Variants in TSHZ3 observed in about 807,000 individuals in gnomAD.
TSHZ3 encodes the protein teashirt homolog 3.
In TSHZ3, 10 loss-of-function variants were observed where a neutral mutation model predicts 64.5. The ratio of observed to expected loss-of-function variants is 0.16; its 90% CI spans 0.10 to 0.26. The LOEUF (loss-of-function observed/expected upper bound fraction) is 0.26. Among genes scored for constraint, TSHZ3 ranks in the 10% least tolerant of loss-of-function variants. The probability of loss-of-function intolerance (pLI) is 1.00; values close to 1 mark genes in which losing one functional copy is unlikely to be tolerated. For missense variants in TSHZ3, 1,242 were observed against 1,421.7 expected, an observed-to-expected ratio of 0.87 and a Z score of 2.03; for synonymous variants, 608 against 593.1, an observed-to-expected ratio of 1.03 and a Z score of -0.36.
intron 4 of TSHZ3, among the ~76,000 whole-genome samples, chr19:31,211,546 G>T (rs549740159): frequency 6.6e-6 from 1 of 152,314 alleles, no homozygotes; most frequent in South Asian, 2.1e-4. Context: ...GCAGTGGTGA[G>T]GAAGGGCATC....
chr19:31,332,045 G>C (rs1197718990), intron 1 of TSHZ3, among the ~76,000 whole-genome samples: 1 of 152,184 alleles, frequency 6.6e-6, no homozygotes, highest in African/African-American at 2.4e-5. Context: ...TCCAAAAAAT[G>C]CATGTTTCCA....
chr19:31,279,193 G>A lies in TSHZ3; in HGVS notation c.600C>T (p.Ser200=), dbSNP rs762809163. 6.2e-7 allele frequency: 1 copy of A among 1,613,890 alleles called. No homozygotes were observed. The highest frequency in any genetic ancestry group is 8.5e-7 in the Non-Finnish European group (1 of 1,179,810). The change falls in exon 2 of 2, where the codon AGC becomes AGT. Residue 200 remains serine, a synonymous_variant. Coordinates refer to ENST00000240587, the MANE Select transcript of TSHZ3 (RefSeq NM_020856.4). The surrounding 1 kb of genome is among the most constrained non-coding windows in gnomAD (Gnocchi z 6.4). ...LFSTVQLYRQ[S]SKLYGSIFTG... ...TGAAGATGGAGCCATAGAGCTTGCT[G>A]CTCTGCCGGTACAGCTGCACGGTGC...
At chr19:31,298,806 T>C (rs796920545) in intron 1 of TSHZ3, among the ~76,000 whole-genome samples, 16 of 152,220 alleles carry the variant, frequency 1.1e-4, no homozygotes, top group African/African-American at 3.9e-4. Context: ...CCAGGGCTTT[T>C]ACTGCTGGAT....
chr19:31,183,799 A>G (rs1019492835), intron 5 of TSHZ3, among the ~76,000 whole-genome samples: 1 of 152,110 alleles, frequency 6.6e-6, no homozygotes, highest in Non-Finnish European at 1.5e-5. Flanking sequence ...GAAGAGGTGA[A>G]CAGGCGCTGG....
intron 1 of TSHZ3, among the ~76,000 whole-genome samples, chr19:31,281,570 G>A (rs1976361336): frequency 6.6e-6 from 1 of 152,164 alleles, no homozygotes; most frequent in Non-Finnish European, 1.5e-5. Flanking sequence ...GTGAAGTGCT[G>A]TGGGGAACCT....
chr19:31,273,771 A>C (rs561531990), downstream of TSHZ3, among the ~76,000 whole-genome samples: 48 of 152,346 alleles, frequency 3.2e-4, no homozygotes, highest in Non-Finnish European at 4.7e-4. Context: ...GGTAAAGGTC[A>C]GTAGGACAAA....
chr19:31,253,010 AT>A (rs1975861924), intron 1 of TSHZ3, among the ~76,000 whole-genome samples: 1 of 152,244 alleles, frequency 6.6e-6, no homozygotes. Flanking sequence ...CAGTATAGAT[AT>A]TTTAATTTTC....
chr19:31,307,510 G>T (rs888037214), intron 1 of TSHZ3, among the ~76,000 whole-genome samples: 4 of 151,252 alleles, frequency 2.6e-5, no homozygotes, highest in Admixed American at 6.5e-5. Flanking sequence ...CACGGGGCTG[G>T]TGTTCCATTA....
chr19:31,288,887 T>C (rs1309925462), intron 1 of TSHZ3, among the ~76,000 whole-genome samples: 1 of 152,226 alleles, frequency 6.6e-6, no homozygotes, highest in Non-Finnish European at 1.5e-5. Context: ...AACAATGTGA[T>C]GTTAGGCAGG....
intron 5 of TSHZ3, among the ~76,000 whole-genome samples, chr19:31,177,438 G>T (rs1363600476): frequency 6.6e-6 from 1 of 152,148 alleles, no homozygotes; most frequent in Non-Finnish European, 1.5e-5. Flanking sequence ...TCCCAGCCTC[G>T]GGGCTGCTGG....
chr19:31,154,419 C>T (rs1007129945), intron 6 of TSHZ3, among the ~76,000 whole-genome samples: 7 of 152,148 alleles, frequency 4.6e-5, no homozygotes, highest in African/African-American at 1.7e-4. Flanking sequence ...CATGTCCAAG[C>T]CAGGACATCT....
intron 5 of TSHZ3, among the ~76,000 whole-genome samples, chr19:31,171,620 A>C (rs1478855954): frequency 6.6e-6 from 1 of 152,092 alleles, no homozygotes; most frequent in African/African-American, 2.4e-5. Context: ...AGAAAAAAAA[A>C]AACCCATAAA....
chr19:31,193,297 A>C (rs1294150917), intron 5 of TSHZ3, among the ~76,000 whole-genome samples: 2 of 152,202 alleles, frequency 1.3e-5, no homozygotes, highest in Non-Finnish European at 2.9e-5. Flanking sequence ...CATATTTTGC[A>C]GGAAGCAGTC....
At chr19:31,345,415 A>G (rs1410678990) in intron 1 of TSHZ3, among the ~76,000 whole-genome samples, 1 of 152,218 alleles carries the variant, frequency 6.6e-6, no homozygotes, top group Non-Finnish European at 1.5e-5. Context: ...GGAAGGTGTC[A>G]TCTGGACACC....
At chr19:31,316,971 T>C (rs1477735440) in intron 1 of TSHZ3, among the ~76,000 whole-genome samples, 1 of 152,166 alleles carries the variant, frequency 6.6e-6, no homozygotes. Flanking sequence ...ACCTACAGTA[T>C]ATTAAGCAAT....
intron 1 of TSHZ3, among the ~76,000 whole-genome samples, chr19:31,261,886 A>T (rs930796206): frequency 6.6e-6 from 1 of 152,180 alleles, no homozygotes; most frequent in African/African-American, 2.4e-5. Context: ...TTGTATATGA[A>T]GTCGGAACCC....
intron 1 of TSHZ3, among the ~76,000 whole-genome samples, chr19:31,305,944 C>T (rs1019671897): frequency 6.6e-6 from 1 of 151,990 alleles, no homozygotes; most frequent in African/African-American, 2.4e-5. Flanking sequence ...TGCATCTTTA[C>T]ATAATTCAAG....
intron 1 of TSHZ3, among the ~76,000 whole-genome samples, chr19:31,282,286 C>T (rs1199261691): frequency 6.6e-6 from 1 of 152,110 alleles, no homozygotes; most frequent in Non-Finnish European, 1.5e-5. Flanking sequence ...CCTGGAGATG[C>T]CTCTTGGAGC....
At position 31,278,778 on chromosome 19, in the gene TSHZ3, C is replaced by T. The variant is rs1891827585; in HGVS notation, c.1015G>A (p.Gly339Arg). Reference protein sequence around the residue: ...ELPSSPDSTGGTPKATISDTN... With the variant: ...ELPSSPDSTGRTPKATISDTN... ...TCTGAGATGGTGGCTTTGGGGGTTC[C>T]ACCTGTGGAATCTGGGGAGCTGGGG... The change falls in exon 2 of 2, where the codon GGA (glycine) becomes AGA (arginine). Residue 339 changes from glycine (G) to arginine (R), a missense_variant. By Grantham distance (125) the Gly-to-Arg change is moderately radical. Coordinates refer to ENST00000240587, the MANE Select transcript of TSHZ3 (RefSeq NM_020856.4). This position sits in a 1 kb window ranked among gnomAD's most constrained non-coding sequence, Gnocchi z 4.7. 6.2e-7 allele frequency: 1 copy of T among 1,614,178 alleles called. No individual in the cohort carries two copies. Among genetic ancestry groups the T allele is most frequent in the South Asian group, 1.1e-5 (1 of 91,086 alleles).
Sources: gnomAD v4.1 joint callset for allele counts (sites outside exome capture counted in the v4.1 genomes callset) on GRCh38, gnomAD v4.1.1 for gene constraint, Gnocchi (gnomAD v3.1) non-coding constraint, MANE v1.5 for transcripts, NCBI Gene and HGNC (gene_info 2026-07-23, HGNC 2026-07-21) for gene names.